TARS1: variants seen among roughly 807,000 people sequenced by gnomAD.
TARS1 encodes threonyl-tRNA synthetase 1.
A neutral mutation model predicts 97.7 loss-of-function variants in TARS1; 57 were observed. That is an observed-to-expected ratio of 0.58 (90% CI 0.47 to 0.73). TARS1 has a LOEUF of 0.73. TARS1 is among the 30% of genes least tolerant of loss of function. TARS1 has a pLI of 0.00. For synonymous variants in TARS1, 312 were observed against 293.7 expected, an observed-to-expected ratio of 1.06 and a Z score of -0.64; for missense variants, 806 against 888.3, an observed-to-expected ratio of 0.91 and a Z score of 1.18.
At chr5:33,458,461 G>T (rs566632087) in intron 9 of TARS1, 105 bp from the exon 10 acceptor site, 7 of 818,078 alleles carry the variant, frequency 8.6e-6, no homozygotes, top group African/African-American at 7.0e-5. Flanking sequence ...TGAAATATGG[G>T]ACATCATGAC....
At position 33,448,676 on chromosome 5, in the gene TARS1, C is replaced by A. The variant is rs757178975; in HGVS notation, c.274C>A (p.Gln92Lys). The change falls in exon 3 of 19, where the codon CAG becomes AAG. Residue 92 changes from glutamine (Q) to lysine (K), a missense_variant. This residue lies in a region of TARS1 where 356 missense variants were observed against 357.8 expected (regional missense o/e 0.99). Transcript: ENST00000265112. Reference protein sequence around the residue: ...PIKVTLPDGKQVDAESWKTTP... With the variant: ...PIKVTLPDGKKVDAESWKTTP... ...TAAAGTCACTTTGCCTGATGGTAAA[C>A]AGGTTGATGCGGAATCTTGGAAAAC... The A allele has an allele frequency of 1.9e-6, 3 of 1,613,802 alleles. No individual in the cohort carries two copies. The highest frequency in any genetic ancestry group is 3.3e-5 in the Admixed American group (2 of 59,994).
intron 10 of TARS1, among the ~76,000 whole-genome samples, chr5:33,459,322 T>C (rs1286039957): frequency 6.6e-6 from 1 of 152,264 alleles, no homozygotes; most frequent in East Asian, 1.9e-4. Flanking sequence ...GTGTTACATA[T>C]AGGAAGCCTC....
At position 33,456,781 on chromosome 5, in the gene TARS1, T is replaced by G. The variant is rs373338358; in HGVS notation, c.838-476T>G. Among the ~76,000 whole-genome samples the G allele has an allele frequency of 3.9e-5, 6 of 152,266 alleles. No individual in the cohort carries two copies. The East Asian group carries it at 1.2e-3, about 29-fold the overall frequency. On this transcript the variant is annotated intron_variant, in intron 8 of 18. Transcript: ENST00000265112. The stretch of plus-strand genomic sequence containing the variant: ...TGAGGGGTGGGCAGTTTTGGGGGTA[T>G]TGGGGTGTAGAATGGGTCTCACTCT...
At chr5:33,446,382 A>C (rs1163262754) in intron 2 of TARS1, among the ~76,000 whole-genome samples, 1 of 152,222 alleles carries the variant, frequency 6.6e-6, no homozygotes, top group African/African-American at 2.4e-5. Context: ...AGCCAATGGA[A>C]AAATGCATAT....
At position 33,466,945 on chromosome 5, in the gene TARS1, G is replaced by T. The variant is rs1171066561; in HGVS notation, c.1983G>T (p.Lys661Asn). 2 of 1,605,642 alleles carry T rather than the reference G, an allele frequency of 1.2e-6. No individual in the cohort carries two copies. Among genetic ancestry groups the T allele is most frequent in the East Asian group, 2.3e-5 (1 of 44,164 alleles). Reference sequence around the variant, plus strand: ...ATCCAGGCTGTACATTGAATAAAAAGATTCGAAATGCACAGTTAGCACAGT... The same window carrying T: ...ATCCAGGCTGTACATTGAATAAAAATATTCGAAATGCACAGTTAGCACAGT... The part of the protein sequence containing the change: ...DLDPGCTLNK[K>N]IRNAQLAQYN... Residue 661 changes from lysine to asparagine, a missense_variant, in exon 18 of 19, where the codon AAG (lysine) becomes AAT (asparagine). Lys to Asn is a moderately conservative substitution (Grantham distance 94). This residue lies in a region of TARS1 where 446 missense variants were observed against 511.0 expected (regional missense o/e 0.87). Transcript: ENST00000265112.
chr5:33,455,457 C>CAATAGTCTAAGATAA (rs1561073616), intron 5 of TARS1, 130 bp from the exon 6 acceptor site: 4 of 553,484 alleles, frequency 7.2e-6, no homozygotes, highest in Non-Finnish European at 1.3e-5. Flanking sequence ...TTCTAAGATA[C>CAATAGTCTAAGATAA]GATGCAATAG....
In TARS1 at chr5:33,441,000, G is replaced by C. The variant is rs543938072; in HGVS notation, c.-87G>C. 2.1e-3 allele frequency: 3,250 copies of C among 1,563,682 alleles called. 6 individuals carry two copies. The highest frequency in any genetic ancestry group is 2.8e-3 in the Admixed American group (164 of 58,460). On this transcript the variant is annotated 5_prime_UTR_variant, in exon 1 of 19. Coordinates refer to ENST00000265112, the MANE Select transcript of TARS1 (RefSeq NM_152295.5). ...GCTGGTCCAGCCGAGGCCAAGTCCCGGGCGCTAGCCCACCTCCCACCCGCC... is the reference window on the plus strand; with the variant it reads ...GCTGGTCCAGCCGAGGCCAAGTCCCCGGCGCTAGCCCACCTCCCACCCGCC...
At chr5:33,441,320 C>G in intron 1 of TARS1, 177 bp downstream of exon 1, 1 of 662,480 alleles carries the variant, frequency 1.5e-6, no homozygotes, top group Non-Finnish European at 2.6e-6. Flanking sequence ...ACCATCCATT[C>G]ATAAATTAGG....
At chr5:33,450,553 C>T (rs1741683168) in intron 3 of TARS1, among the ~76,000 whole-genome samples, 1 of 152,170 alleles carries the variant, frequency 6.6e-6, no homozygotes, top group African/African-American at 2.4e-5. Context: ...GTTGTAATAC[C>T]ATGCAAGTTT....
intron 3 of TARS1, chr5:33,452,533 C>G: frequency 1.1e-6 from 1 of 900,230 alleles, no homozygotes; most frequent in Non-Finnish European, 1.7e-6. Context: ...TCTGTGTGCT[C>G]TGATATTTCA....
chr5:33,452,456 CA>C, intron 3 of TARS1: 7 of 1,527,142 alleles, frequency 4.6e-6, no homozygotes, highest in Admixed American at 3.9e-5. Context: ...GCTTTATCCT[CA>C]AAGCCTTTCC....
chr5:33,462,306 A>T (rs567900502), intron 16 of TARS1, 103 bp downstream of exon 16: 2 of 1,085,696 alleles, frequency 1.8e-6, no homozygotes, highest in African/African-American at 3.2e-5. Flanking sequence ...AATGATTCCA[A>T]TCGGTTGCTT....
At chr5:33,457,424 GT>G (rs776596354) in intron 9 of TARS1, 21 bp downstream of exon 9, 44 of 1,604,060 alleles carry the variant, frequency 2.7e-5, no homozygotes, top group Non-Finnish European at 3.2e-5. Flanking sequence ...GAACAATGAT[GT>G]GTCTTGACTG....
chr5:33,456,359 C>A, intron 8 of TARS1, 132 bp downstream of exon 8: 1 of 731,526 alleles, frequency 1.4e-6, no homozygotes, highest in Non-Finnish European at 2.2e-6. Flanking sequence ...TCTCTATTAA[C>A]TGGGAGCTGT....
intron 1 of TARS1, 122 bp downstream of exon 1, chr5:33,441,265 G>A (rs1198976109): frequency 9.8e-6 from 11 of 1,120,014 alleles, no homozygotes; most frequent in Admixed American, 2.0e-5. Flanking sequence ...GGTCGGAGAA[G>A]TGGGGGATGG....
At position 33,467,998 on chromosome 5, in the gene TARS1, T is replaced by G. The variant is rs968055745; in HGVS notation, c.*290T>G. The G allele has an allele frequency of 2.2e-5, 6 of 267,122 alleles. No homozygotes were observed. In the East Asian group the frequency reaches 4.2e-4, roughly 19 times the overall value. The allele number at this position is 267,122 out of a possible 1,614,324, so 16.5% of individuals were successfully genotyped here. On this transcript the variant is annotated 3_prime_UTR_variant, in exon 19 of 19. Coordinates refer to ENST00000265112, the MANE Select transcript of TARS1 (RefSeq NM_152295.5). The stretch of plus-strand genomic sequence containing the variant: ...AGTGTAATGTGGGAGAACTTTTTTG[T>G]AAATTTAATGCAATTGAAAAAGTTT...
chr5:33,441,396 G>A (rs908258429), intron 1 of TARS1: 46 of 512,950 alleles, frequency 9.0e-5, no homozygotes, highest in Non-Finnish European at 1.4e-4. Flanking sequence ...CCTTGAGTGA[G>A]CGACTTGTTC....
intron 4 of TARS1, among the ~76,000 whole-genome samples, chr5:33,454,200 C>T (rs550399621): frequency 6.6e-6 from 1 of 152,166 alleles, no homozygotes; most frequent in Non-Finnish European, 1.5e-5. Flanking sequence ...TTTTAATTCT[C>T]CATGGCTGTG....
chr5:33,460,011 A>G (rs987876920), intron 11 of TARS1, 150 bp downstream of exon 11: 23 of 727,788 alleles, frequency 3.2e-5, no homozygotes, highest in East Asian at 8.8e-5. Context: ...TATCTTCTGC[A>G]CCTGATTAGA....
Sources: gnomAD v4.1 joint callset for allele counts (sites outside exome capture counted in the v4.1 genomes callset) on GRCh38, gnomAD v4.1.1 for gene constraint, gnomAD v4.1.1 regional missense constraint, MANE v1.5 for transcripts, NCBI Gene and HGNC (gene_info 2026-07-23, HGNC 2026-07-21) for gene names.